The following FHIP1A variants were observed in gnomAD, a reference collection of about 807,000 sequenced individuals.
FHIP1A encodes FHF complex subunit HOOK interacting protein 1A, also known as FHF complex subunit HOOK-interacting protein 1A.
In FHIP1A, 61 loss-of-function variants were observed where a neutral mutation model predicts 88.6. That is an observed-to-expected ratio of 0.69 (90% confidence interval 0.56 to 0.85). The LOEUF is 0.85. Ranked by LOEUF, FHIP1A falls within the 40% of genes least tolerant of loss-of-function variation. The probability of loss-of-function intolerance (pLI) is 0.00; values close to 1 mark genes in which losing one functional copy is unlikely to be tolerated. For synonymous variants in FHIP1A, 478 were observed against 496.0 expected (o/e 0.96, Z 0.48); for missense variants, 1,154 against 1,273.5 (o/e 0.91, Z 1.43).
chr4:151,600,831 G>A lies in FHIP1A; in HGVS notation c.978+11905G>A, dbSNP rs188231286. Among the ~76,000 whole-genome samples, 220 of 152,276 alleles carry A rather than the reference G, an allele frequency of 1.4e-3. 1 individual carries two copies. Among genetic ancestry groups the A allele is most frequent in the African/African-American group, 4.7e-3 (194 of 41,538 alleles). Reference sequence around the variant, plus strand: ...GTACTGATTGAACTCCAAGGACTCCGAGAGTGAGTGTGCCAAAGAGGCAAA... The same window carrying A: ...GTACTGATTGAACTCCAAGGACTCCAAGAGTGAGTGTGCCAAAGAGGCAAA... On this transcript the variant is annotated intron_variant, in intron 7 of 13. Coordinates refer to ENST00000435205, the MANE Select transcript of FHIP1A (RefSeq NM_001109977.3).
chr4:151,412,589 T>C (rs983508619), intron 1 of FHIP1A, among the ~76,000 whole-genome samples: 2 of 137,052 alleles, frequency 1.5e-5, no homozygotes, highest in Non-Finnish European at 3.2e-5. Context: ...CTTTCTTTCC[T>C]TCCTTCCTTC....
intron 3 of FHIP1A, among the ~76,000 whole-genome samples, chr4:151,488,419 C>G (rs186950130): frequency 6.2e-4 from 95 of 152,274 alleles, no homozygotes; most frequent in African/African-American, 2.2e-3. Flanking sequence ...CATTAATTCT[C>G]TTAGGATAAT....
chr4:151,620,723 A>C (rs907848903), intron 7 of FHIP1A, among the ~76,000 whole-genome samples: 5 of 151,344 alleles, frequency 3.3e-5, no homozygotes, highest in Admixed American at 2.0e-4. Context: ...TTAAGCTTAC[A>C]TTGATCTCTG....
chr4:151,573,221 G>T (rs2126783415), intron 4 of FHIP1A, among the ~76,000 whole-genome samples: 1 of 152,094 alleles, frequency 6.6e-6, no homozygotes, highest in Non-Finnish European at 1.5e-5. Flanking sequence ...TTGGAATTGT[G>T]ATACTTTACA....
intron 7 of FHIP1A, among the ~76,000 whole-genome samples, chr4:151,610,452 G>T (rs1268077568): frequency 6.6e-6 from 1 of 152,190 alleles, no homozygotes; most frequent in African/African-American, 2.4e-5. Context: ...GAGGAAACAG[G>T]TAGAGAATTG....
chr4:151,557,123 G>A (rs1332555648), intron 3 of FHIP1A, among the ~76,000 whole-genome samples: 2 of 152,124 alleles, frequency 1.3e-5, no homozygotes, highest in Non-Finnish European at 2.9e-5. Context: ...TGCATAGAAT[G>A]GAAGTGAATT....
At chr4:151,479,157 G>T (rs115407321) in intron 2 of FHIP1A, among the ~76,000 whole-genome samples, 1 of 152,082 alleles carries the variant, frequency 6.6e-6, no homozygotes, top group Non-Finnish European at 1.5e-5. Context: ...TCAACTTAAT[G>T]GATACACTGT....
chr4:151,588,852 T>A lies in FHIP1A; in HGVS notation c.904T>A (p.Leu302Met). The change falls in exon 7 of 14, where the codon TTG (leucine) becomes ATG (methionine). Residue 302 changes from leucine to methionine, a missense_variant. Leu to Met is a conservative substitution (Grantham distance 15). Coordinates refer to ENST00000435205, the MANE Select transcript of FHIP1A (RefSeq NM_001109977.3). ...GCCTCTCTCTCAGGTGGCTCACCCCTTGATTCGAAATCAGCTTGTCAATTA... is the reference window on the plus strand; with the variant it reads ...GCCTCTCTCTCAGGTGGCTCACCCCATGATTCGAAATCAGCTTGTCAATTA... ...CNAVIQVAHP[L>M]IRNQLVNYIY... 1 of 1,550,888 alleles carries A rather than the reference T, an allele frequency of 6.4e-7. No homozygotes were observed. The highest frequency in any genetic ancestry group is 1.2e-5 in the South Asian group (1 of 84,054).
intron 10 of FHIP1A, among the ~76,000 whole-genome samples, chr4:151,647,790 T>C (rs1012641534): frequency 6.6e-6 from 1 of 152,236 alleles, no homozygotes; most frequent in African/African-American, 2.4e-5. Flanking sequence ...TATGAAAGTT[T>C]TTTCAAGAAT....
Position 151,656,169 on chromosome 4 carries a change from A to G in FHIP1A, c.2552-63A>G. 2 of 1,352,382 alleles carry G rather than the reference A, an allele frequency of 1.5e-6. No individual in the cohort carries two copies. The highest frequency in any genetic ancestry group is 2.9e-5 in the African/African-American group (2 of 69,432). The allele number at this position is 1,352,382 out of a possible 1,614,324, so 83.8% of individuals were successfully genotyped here. A position where few individuals can be genotyped will look rare whatever the true frequency, so the allele number is the denominator to read the frequency against. ...GAGATGTGGCACCGATGGTTCTGCA[A>G]TTGTCAGGGAAAGGCATCCCTGTGA... On this transcript the variant is annotated intron_variant, in intron 11 of 13. Coordinates refer to ENST00000435205, the MANE Select transcript of FHIP1A (RefSeq NM_001109977.3). The surrounding 1 kb of genome is among the most constrained non-coding windows in gnomAD (Gnocchi z 4.2).
chr4:151,532,122 T>G (rs557874811), intron 3 of FHIP1A, among the ~76,000 whole-genome samples: 1 of 152,228 alleles, frequency 6.6e-6, no homozygotes. Flanking sequence ...TGCTGTTGTT[T>G]GGTCTATATC....
chr4:151,499,096 A>G (rs1188201585), intron 3 of FHIP1A, among the ~76,000 whole-genome samples: 7 of 152,214 alleles, frequency 4.6e-5, no homozygotes, highest in Admixed American at 4.6e-4. Context: ...TGGAGTCTGA[A>G]AATGTGTATC....
chr4:151,583,000 C>G (rs1466351108), intron 5 of FHIP1A, among the ~76,000 whole-genome samples: 1 of 152,108 alleles, frequency 6.6e-6, no homozygotes, highest in African/African-American at 2.4e-5. Context: ...CTCCGTATCC[C>G]CTTGGGTAGT....
rs1392218010 is a variant in FHIP1A at position 151,655,806 on chromosome 4, T to C, written c.2552-426T>C. Among the ~76,000 whole-genome samples, 7 of 152,346 alleles carry C rather than the reference T, an allele frequency of 4.6e-5. No homozygotes were observed. The East Asian group carries it at 1.3e-3, about 29-fold the overall frequency. ...CATTACTAAGACTTTTAATGGCCTT[T>C]GGTGCTTACATGAAACCCTACCGTC... On this transcript the variant is annotated intron_variant, in intron 11 of 13. Transcript: ENST00000435205.
intron 7 of FHIP1A, among the ~76,000 whole-genome samples, chr4:151,617,097 A>AG (rs1735569242): frequency 6.6e-6 from 1 of 152,122 alleles, no homozygotes; most frequent in African/African-American, 2.4e-5. Flanking sequence ...GAAGAGAGGA[A>AG]GGGACAGGCT....
At chr4:151,507,097 A>G (rs1730860926) in intron 3 of FHIP1A, among the ~76,000 whole-genome samples, 1 of 151,990 alleles carries the variant, frequency 6.6e-6, no homozygotes, top group African/African-American at 2.4e-5. Flanking sequence ...CACTACCTCT[A>G]TTTATGCTGT....
chr4:151,586,572 C>T (rs1004333719), intron 5 of FHIP1A, 69 bp from the exon 6 acceptor site: 3 of 1,308,594 alleles, frequency 2.3e-6, no homozygotes, highest in Non-Finnish European at 3.2e-6. Context: ...TTGGCATCAC[C>T]TGTGAGCTGT....
At chr4:151,523,044 C>A (rs1000147660) in intron 3 of FHIP1A, among the ~76,000 whole-genome samples, 4 of 152,122 alleles carry the variant, frequency 2.6e-5, no homozygotes, top group Non-Finnish European at 5.9e-5. Flanking sequence ...ATTGATCAGG[C>A]CCTGGCAGTT....
intron 2 of FHIP1A, among the ~76,000 whole-genome samples, chr4:151,481,377 T>A (rs1263191391): frequency 1.3e-5 from 2 of 152,064 alleles, no homozygotes; most frequent in African/African-American, 4.8e-5. Flanking sequence ...ATATACATAT[T>A]ATGGAATGAA....
Sources: allele counts gnomAD v4.1 joint callset (sites outside exome capture counted in the v4.1 genomes callset), GRCh38; gene constraint gnomAD v4.1.1; non-coding constraint Gnocchi (gnomAD v3.1); transcripts MANE v1.5; gene names NCBI Gene and HGNC (gene_info 2026-07-23, HGNC 2026-07-21).